Variants in CPQ observed in about 807,000 individuals in gnomAD.
The protein encoded by CPQ is carboxypeptidase Q, also known as Ser-Met dipeptidase.
Under a neutral mutation model 45.7 loss-of-function variants are expected in CPQ, and 37 were observed. That is an observed-to-expected ratio of 0.81 (90% CI 0.62 to 1.07). The LOEUF (loss-of-function observed/expected upper bound fraction) is 1.07, where lower values mean the gene tolerates loss of function less well. Among genes scored for constraint, CPQ ranks in the 50% least tolerant of loss-of-function variants. CPQ has a pLI of 0.00. For synonymous variants in CPQ, 186 were observed against 205.8 expected (o/e 0.90, Z 0.82); for missense variants, 537 against 572.9 (o/e 0.94, Z 0.64).
chr8:96,827,137 TTGAC>T (rs1480872900), intron 2 of CPQ, among the ~76,000 whole-genome samples: 1 of 152,070 alleles, frequency 6.6e-6, no homozygotes, highest in Non-Finnish European at 1.5e-5. Context: ...CTCAGTGTCT[TTGAC>T]TGAGATATCG....
intron 7 of CPQ, among the ~76,000 whole-genome samples, chr8:97,075,075 C>A (rs1222700898): frequency 1.3e-5 from 2 of 151,996 alleles, no homozygotes; most frequent in Non-Finnish European, 2.9e-5. Context: ...CTAGAGCATC[C>A]AGGTCACACT....
intron 2 of CPQ, among the ~76,000 whole-genome samples, chr8:96,795,910 A>G (rs1334732433): frequency 1.3e-5 from 2 of 152,248 alleles, no homozygotes; most frequent in Middle Eastern, 3.4e-3. Flanking sequence ...AAATGCCAAT[A>G]AAGTTCTTAG....
chr8:96,918,705 T>C (rs1022860775), intron 4 of CPQ, among the ~76,000 whole-genome samples: 4 of 152,076 alleles, frequency 2.6e-5, no homozygotes, highest in African/African-American at 9.7e-5. Flanking sequence ...TGTTCTTAGA[T>C]TGATGTCTCA....
chr8:96,984,291 G>A (rs190054832), intron 5 of CPQ, among the ~76,000 whole-genome samples: 5 of 152,202 alleles, frequency 3.3e-5, no homozygotes, highest in Admixed American at 2.0e-4. Context: ...ATTATTATCT[G>A]CTGTGGTCTG....
intron 4 of CPQ, among the ~76,000 whole-genome samples, chr8:96,903,160 C>T (rs1460577974): frequency 1.3e-5 from 2 of 152,224 alleles, no homozygotes; most frequent in Admixed American, 1.3e-4. Context: ...AGTGATACTT[C>T]AGTTGGCGTT....
At chr8:97,002,459 G>C (rs1809301345) in intron 5 of CPQ, among the ~76,000 whole-genome samples, 1 of 152,140 alleles carries the variant, frequency 6.6e-6, no homozygotes, top group Non-Finnish European at 1.5e-5. Context: ...CTGGTACGTT[G>C]CATCTTTGTT....
At chr8:96,934,370 G>C (rs995367757) in intron 4 of CPQ, among the ~76,000 whole-genome samples, 4 of 152,170 alleles carry the variant, frequency 2.6e-5, no homozygotes, top group Non-Finnish European at 5.9e-5. Context: ...GTGTTAGACT[G>C]GGGGAGCTAA....
At chr8:96,709,937 G>A (rs1286203642) in intron 1 of CPQ, among the ~76,000 whole-genome samples, 3 of 152,014 alleles carry the variant, frequency 2.0e-5, no homozygotes, top group Non-Finnish European at 2.9e-5. Flanking sequence ...CAATCTTTTG[G>A]AATAGTTTCA....
rs554534540 is a variant in CPQ at position 96,954,606 on chromosome 8, T to C, written c.850-11329T>C. 5.9e-5 allele frequency among the ~76,000 whole-genome samples: 9 copies of C among 152,208 alleles called. No individual in the cohort carries two copies. In the South Asian group the frequency reaches 1.9e-3, roughly 32 times the overall value. On this transcript the variant is annotated intron_variant, in intron 4 of 7. Coordinates refer to ENST00000220763, the MANE Select transcript of CPQ (RefSeq NM_016134.4). ...GTCTTTCTGTTATTTTTTTTATTTA[T>C]TTATTATACTTTAAGTTTTAGGGTA...
intron 1 of CPQ, chr8:96,732,377 G>A (rs956675924): frequency 7.2e-5 from 11 of 152,300 alleles, no homozygotes; most frequent in African/African-American, 2.6e-4. Context: ...TGGATAAATG[G>A]AGGAATAGCA....
In CPQ at chr8:97,011,702, G is replaced by T. The variant is rs192878309; in HGVS notation, c.962-17701G>T. Among the ~76,000 whole-genome samples the T allele has an allele frequency of 3.2e-3, 484 of 152,240 alleles. 1 individual carries two copies. The highest frequency in any genetic ancestry group is 0.011 in the African/African-American group (461 of 41,556). On this transcript the variant is annotated intron_variant, in intron 5 of 7. Coordinates refer to ENST00000220763, the MANE Select transcript of CPQ (RefSeq NM_016134.4). ...ACAGGATGACAATATTACTTGCTTT[G>T]CAGAATTAAATGAGGTAATATTTTG...
chr8:96,844,175 A>G (rs1811654233), intron 3 of CPQ, among the ~76,000 whole-genome samples: 1 of 152,226 alleles, frequency 6.6e-6, no homozygotes, highest in Admixed American at 6.5e-5. Context: ...TTGTTTGCTT[A>G]TGCAGTGCCC....
intron 4 of CPQ, among the ~76,000 whole-genome samples, chr8:96,965,462 C>T (rs572515934): frequency 2.0e-5 from 3 of 150,908 alleles, no homozygotes; most frequent in South Asian, 2.1e-4. Flanking sequence ...CTCCACCTCC[C>T]GAGTTCACAC....
At chr8:96,996,413 AC>A (rs1563549456) in intron 5 of CPQ, among the ~76,000 whole-genome samples, 1 of 151,948 alleles carries the variant, frequency 6.6e-6, no homozygotes. Flanking sequence ...AGATAACATG[AC>A]CACCAAAGTC....
At chr8:97,001,509 T>C (rs768853139) in intron 5 of CPQ, among the ~76,000 whole-genome samples, 2 of 152,032 alleles carry the variant, frequency 1.3e-5, no homozygotes, top group Non-Finnish European at 2.9e-5. Flanking sequence ...TATCATGCGG[T>C]TTTTGACGTT....
At chr8:97,129,619 T>C (rs1811906560) in intron 7 of CPQ, among the ~76,000 whole-genome samples, 1 of 152,136 alleles carries the variant, frequency 6.6e-6, no homozygotes. Context: ...TGTACCACGC[T>C]CACAGCGAAA....
At chr8:96,938,338 A>G (rs1168521907) in intron 4 of CPQ, among the ~76,000 whole-genome samples, 1 of 152,180 alleles carries the variant, frequency 6.6e-6, no homozygotes, top group African/African-American at 2.4e-5. Context: ...TTGAGGCTGC[A>G]ATGAACTAGC....
chr8:96,846,432 C>A (rs1811691195), intron 3 of CPQ, among the ~76,000 whole-genome samples: 1 of 152,128 alleles, frequency 6.6e-6, no homozygotes, highest in Non-Finnish European at 1.5e-5. Flanking sequence ...ATGTCTTTCC[C>A]ATCTTTTGTG....
chr8:96,742,648 G>T (rs575577989), intron 1 of CPQ, among the ~76,000 whole-genome samples: 1 of 151,932 alleles, frequency 6.6e-6, no homozygotes, highest in East Asian at 1.9e-4. Flanking sequence ...ACTTCCTTCA[G>T]GAGCTCTTTT....
Sources: gnomAD v4.1 joint callset for allele counts (sites outside exome capture counted in the v4.1 genomes callset) on GRCh38, gnomAD v4.1.1 for gene constraint, MANE v1.5 for transcripts, NCBI Gene and HGNC (gene_info 2026-07-23, HGNC 2026-07-21) for gene names.